Variants in ETV3 observed in about 807,000 individuals in gnomAD.
ETV3 encodes the protein ETS translocation variant 3.
A neutral mutation model predicts 33.0 loss-of-function variants in ETV3; 8 were observed. The ratio of observed to expected loss-of-function variants is 0.24; its 90% confidence interval spans 0.14 to 0.44. ETV3 has a LOEUF of 0.44. Ranked by LOEUF, ETV3 falls within the 20% of genes least tolerant of loss-of-function variation. The probability of loss-of-function intolerance (pLI) is 1.00; values close to 1 mark genes in which losing one functional copy is unlikely to be tolerated. For missense variants in ETV3, 473 were observed against 652.3 expected, an observed-to-expected ratio of 0.73 and a Z score of 2.99; for synonymous variants, 222 against 238.9, an observed-to-expected ratio of 0.93 and a Z score of 0.65.
In ETV3 at chr1:157,125,392, G is replaced by C. The variant is rs1027698872; in HGVS notation, c.988C>G (p.Leu330Val). 2 of 1,552,126 alleles carry C rather than the reference G, an allele frequency of 1.3e-6. No individual in the cohort carries two copies. The highest frequency in any genetic ancestry group is 1.4e-5 in the African/African-American group (1 of 73,168). The stretch of plus-strand genomic sequence containing the variant: ...TCCTCAGGATGCATTTGGCACTGCA[G>C]TGGTGGAACCATGAGCCCTGGGTAA... ...PRYPGLMVPP[L>V]QCQMHPEEST... The change falls in exon 5 of 5, where the codon CTG becomes GTG. Residue 330 changes from leucine to valine, a missense_variant. By Grantham distance (32) the Leu-to-Val change is conservative (BLOSUM62 1). Coordinates refer to ENST00000368192, the MANE Select transcript of ETV3 (RefSeq NM_001145312.3). The surrounding 1 kb of genome is among the most constrained non-coding windows in gnomAD (Gnocchi z 4.0).
In ETV3 at chr1:157,125,457, G is replaced by T. The variant is rs1674809012; in HGVS notation, c.923C>A (p.Ser308Tyr). ...AGGACTCAGATGGTAGTTGAACACA[G>T]AACAAGCTTGAGAATGAAGGTAGTG... ...MKHYLHSQAC[S>Y]VFNYHLSPRT... The change falls in exon 5 of 5, where the codon TCT (serine) becomes TAT (tyrosine). Residue 308 changes from serine to tyrosine, a missense_variant. Ser to Tyr is a moderately radical substitution (Grantham distance 144, BLOSUM62 -2). Coordinates refer to ENST00000368192, the MANE Select transcript of ETV3 (RefSeq NM_001145312.3). This position sits in a 1 kb window ranked among gnomAD's most constrained non-coding sequence, Gnocchi z 4.0. The T allele has an allele frequency of 1.3e-6, 2 of 1,552,338 alleles. No individual in the cohort carries two copies. Among genetic ancestry groups the T allele is most frequent in the Non-Finnish European group, 1.7e-6 (2 of 1,147,124 alleles).
At chr1:157,133,040 G>A (rs560652417) in intron 4 of ETV3, 5 of 152,326 alleles carry the variant, frequency 3.3e-5, no homozygotes, top group Admixed American at 2.6e-4. Context: ...TCAGAAAACA[G>A]TTAAATACAA....
chr1:157,136,280 C>T (rs1363245696), intron 2 of ETV3, 27 bp downstream of exon 2: 1 of 1,609,698 alleles, frequency 6.2e-7, no homozygotes, highest in Non-Finnish European at 8.5e-7. Flanking sequence ...CTTCCAGGTA[C>T]ATCAGAGATG....
At chr1:157,136,000 C>T (rs879261629) in intron 2 of ETV3, among the ~76,000 whole-genome samples, 3 of 152,156 alleles carry the variant, frequency 2.0e-5, no homozygotes, top group Non-Finnish European at 4.4e-5. Flanking sequence ...CATAAAAGTG[C>T]TAAAGGGAAC....
chr1:157,135,405 G>A, intron 3 of ETV3, 66 bp downstream of exon 3: 1 of 1,563,436 alleles, frequency 6.4e-7, no homozygotes. Flanking sequence ...TTTTTATCTA[G>A]CATTCACCAA....
chr1:157,131,525 T>C (rs1037844053), intron 4 of ETV3, among the ~76,000 whole-genome samples: 11 of 152,178 alleles, frequency 7.2e-5, no homozygotes. Flanking sequence ...GTTGAACAAA[T>C]GAATCACAAC....
rs1674798559 is a variant in ETV3 at position 157,125,146 on chromosome 1, T to C, written c.1234A>G (p.Ser412Gly). The C allele has an allele frequency of 6.4e-7, 1 of 1,551,560 alleles. No individual in the cohort carries two copies. The highest frequency in any genetic ancestry group is 8.7e-7 in the Non-Finnish European group (1 of 1,146,822). ...EHTQEEGTVP[S>G]RTIEEEKGTI... ...CCTTTTTCCTCTTCAATGGTCCTGC[T>C]TGGCACAGTGCCCTCTTCTTGAGTG... The change falls in exon 5 of 5, where the codon AGC becomes GGC. Residue 412 changes from serine (S) to glycine (G), a missense_variant. Physicochemically the swap from Ser to Gly is moderately conservative, Grantham distance 56. Transcript: ENST00000368192. This position sits in a 1 kb window ranked among gnomAD's most constrained non-coding sequence, Gnocchi z 4.0.
At position 157,125,265 on chromosome 1, in the gene ETV3, G is replaced by C. The variant is rs1234423682; in HGVS notation, c.1115C>G (p.Thr372Ser). The change falls in exon 5 of 5, where the codon ACC becomes AGC. Residue 372 changes from threonine to serine, a missense_variant. Coordinates refer to ENST00000368192, the MANE Select transcript of ETV3 (RefSeq NM_001145312.3). The surrounding 1 kb of genome is among the most constrained non-coding windows in gnomAD (Gnocchi z 4.0). ...SEESAPVTTP[T>S]MASIPPRIKV... The stretch of plus-strand genomic sequence containing the variant: ...GATTCTTGGGGGAATAGAAGCCATG[G>C]TGGGCGTGGTGACTGGTGCTGACTC... 1.3e-6 allele frequency: 2 copies of C among 1,552,134 alleles called. No individual in the cohort carries two copies. Among genetic ancestry groups the C allele is most frequent in the East Asian group, 2.4e-5 (1 of 40,924 alleles).
chr1:157,130,714 A>G (rs757938610), intron 4 of ETV3, among the ~76,000 whole-genome samples: 2 of 152,186 alleles, frequency 1.3e-5, no homozygotes, highest in African/African-American at 2.4e-5. Context: ...TATTGTTATG[A>G]CGATTAACAG....
At chr1:157,133,533 G>A (rs1456630163) in intron 4 of ETV3, 8 of 985,838 alleles carry the variant, frequency 8.1e-6, no homozygotes, top group Non-Finnish European at 8.4e-6. Context: ...AAGTCAAGAG[G>A]GGAAGCCCTA....
chr1:157,130,849 G>A (rs751674817), intron 4 of ETV3, among the ~76,000 whole-genome samples: 1 of 152,026 alleles, frequency 6.6e-6, no homozygotes, highest in Non-Finnish European at 1.5e-5. Context: ...ATTCGAATAC[G>A]GACTATGTAT....
At chr1:157,134,927 A>C (rs1048622044) in intron 3 of ETV3, among the ~76,000 whole-genome samples, 1 of 152,198 alleles carries the variant, frequency 6.6e-6, no homozygotes, top group Non-Finnish European at 1.5e-5. Flanking sequence ...GAAATGTAAG[A>C]CCGACAAGGG....
Position 157,121,814 on chromosome 1 carries a change from T to G in ETV3, c.*3027A>C, listed in dbSNP as rs1674716954. 2.0e-5 allele frequency: 3 copies of G among 152,208 alleles called. No homozygotes were observed. The highest frequency in any genetic ancestry group is 7.2e-5 in the African/African-American group (3 of 41,462). 9.4% of individuals were successfully genotyped at this position (152,208 alleles called of 1,614,324 possible). ...GAAAGTTTCTTGGCCCACAGAGGACTAGGGTGCAATCATTCCCTGTGTTAG... is the reference window on the plus strand; with the variant it reads ...GAAAGTTTCTTGGCCCACAGAGGACGAGGGTGCAATCATTCCCTGTGTTAG... On this transcript the variant is annotated 3_prime_UTR_variant, in exon 5 of 5. Transcript: ENST00000368192.
Position 157,125,294 on chromosome 1 carries a change from G to C in ETV3, c.1086C>G (p.Ser362Arg). The change falls in exon 5 of 5, where the codon AGC becomes AGG. Residue 362 changes from serine to arginine, a missense_variant. Physicochemically the swap from Ser to Arg is moderately radical, Grantham distance 110. This residue lies in a region of ETV3 where 410 missense variants were observed against 520.2 expected (regional missense o/e 0.79). Transcript: ENST00000368192. This position sits in a 1 kb window ranked among gnomAD's most constrained non-coding sequence, Gnocchi z 4.0. Reference protein sequence around the residue: ...GRKNRERVESSEESAPVTTPT... With the variant: ...GRKNRERVESREESAPVTTPT... ...GCGTGGTGACTGGTGCTGACTCCTC[G>C]CTGCTCTCAACCCTCTCCCGGTTCT... The C allele has an allele frequency of 6.4e-7, 1 of 1,552,048 alleles. No individual in the cohort carries two copies. Among genetic ancestry groups the C allele is most frequent in the Non-Finnish European group, 8.7e-7 (1 of 1,147,094 alleles).
At position 157,122,115 on chromosome 1, in the gene ETV3, G is replaced by C. The variant is rs1355734060; in HGVS notation, c.*2726C>G. 1 of 152,132 alleles carries C rather than the reference G, an allele frequency of 6.6e-6. No individual in the cohort carries two copies. The highest frequency in any genetic ancestry group is 1.5e-5 in the Non-Finnish European group (1 of 68,022). The allele number at this position is 152,132 out of a possible 1,614,324, so 9.4% of individuals were successfully genotyped here. ...TGGAAAAAATGGGGGAGAAAAAATA[G>C]GTCTGGTTGTTGTCCCCCTTTTTCC... On this transcript the variant is annotated 3_prime_UTR_variant, in exon 5 of 5. Transcript: ENST00000368192.
In ETV3 at chr1:157,121,346, T is replaced by C. The variant is rs1393986886; in HGVS notation, c.*3495A>G. 6.6e-6 allele frequency: 1 copy of C among 151,774 alleles called. No individual in the cohort carries two copies. The highest frequency in any genetic ancestry group is 2.4e-5 in the African/African-American group (1 of 41,370). 9.4% of individuals were successfully genotyped at this position (151,774 alleles called of 1,614,324 possible). On this transcript the variant is annotated 3_prime_UTR_variant, in exon 5 of 5. Coordinates refer to ENST00000368192, the MANE Select transcript of ETV3 (RefSeq NM_001145312.3). ...TTACATCATATATATATAATATATA[T>C]GCAAAAATTTGAAGACTTTATAGAA...
chr1:157,133,943 C>T, intron 4 of ETV3, 169 bp downstream of exon 4: 1 of 1,440,452 alleles, frequency 6.9e-7, no homozygotes, highest in Non-Finnish European at 9.1e-7. Flanking sequence ...TAGCCTATAA[C>T]TCTCCTTATA....
At position 157,125,193 on chromosome 1, in the gene ETV3, G is replaced by C. The variant is rs1165934044; in HGVS notation, c.1187C>G (p.Ser396Trp). The C allele has an allele frequency of 7.7e-6, 12 of 1,551,992 alleles. No individual in the cohort carries two copies. In the African/African-American group the frequency reaches 1.5e-4, roughly 19 times the overall value. The change falls in exon 5 of 5, where the codon TCG becomes TGG. Residue 396 changes from serine (S) to tryptophan (W), a missense_variant. Ser to Trp is a radical substitution (Grantham distance 177). Around this residue, in one of 3 missense-constraint regions of ETV3, gnomAD observed 410 missense variants for 520.2 expected, o/e 0.79. Transcript: ENST00000368192. The surrounding 1 kb of genome is among the most constrained non-coding windows in gnomAD (Gnocchi z 4.0). ...AGTGTGCTCCTCCTTCTCTCGTGCC[G>C]ACTGCCTGAGGCTCTCAGGATCCTT... The part of the protein sequence containing the change: ...SEKDPESLRQ[S>W]AREKEEHTQE...
intron 4 of ETV3, among the ~76,000 whole-genome samples, chr1:157,130,077 C>T (rs1045547408): frequency 6.6e-6 from 1 of 152,098 alleles, no homozygotes; most frequent in African/African-American, 2.4e-5. Flanking sequence ...CACCTGACCT[C>T]GTGATCCGCC....
Sources: gnomAD v4.1 joint callset for allele counts (sites outside exome capture counted in the v4.1 genomes callset) on GRCh38, gnomAD v4.1.1 for gene constraint, gnomAD v4.1.1 regional missense constraint, Gnocchi (gnomAD v3.1) non-coding constraint, MANE v1.5 for transcripts, NCBI Gene and HGNC (gene_info 2026-07-23, HGNC 2026-07-21) for gene names.